AHRR: variants seen among roughly 807,000 people sequenced by gnomAD.
AHRR encodes the protein aryl hydrocarbon receptor repressor.
Under a neutral mutation model 44.0 loss-of-function variants are expected in AHRR, and 28 were observed. That is an observed-to-expected ratio of 0.64 (90% CI 0.47 to 0.87). The LOEUF (loss-of-function observed/expected upper bound fraction) is 0.87, where lower values mean the gene tolerates loss of function less well. Ranked by LOEUF, AHRR falls within the 40% of genes least tolerant of loss-of-function variation. The pLI is 0.00. For synonymous variants in AHRR, 434 were observed against 407.0 expected (o/e 1.07, Z -0.80); for missense variants, 990 against 953.9 (o/e 1.04, Z -0.50).
intron 1 of AHRR, 79 bp from the exon 2 acceptor site, chr5:343,814 C>A: frequency 1.4e-6 from 2 of 1,469,912 alleles, no homozygotes; most frequent in Non-Finnish European, 9.2e-7. Context: ...CAGGACCGCG[C>A]TGAGGGGCCC....
chr5:366,716 C>T (rs1014318745), intron 3 of AHRR, among the ~76,000 whole-genome samples: 11 of 152,186 alleles, frequency 7.2e-5, no homozygotes, highest in South Asian at 2.1e-4. Context: ...TGGAATAAGC[C>T]GGCATTGTGC....
chr5:379,979 A>G (rs1455011011), intron 4 of AHRR, among the ~76,000 whole-genome samples: 3 of 152,176 alleles, frequency 2.0e-5, no homozygotes, highest in East Asian at 1.9e-4. Flanking sequence ...ATTCTGGTCT[A>G]TGATCCACTT....
intron 1 of AHRR, among the ~76,000 whole-genome samples, chr5:324,120 C>T (rs952449879): frequency 2.6e-5 from 4 of 151,538 alleles, no homozygotes; most frequent in African/African-American, 7.3e-5. Context: ...AGTGCAATGG[C>T]GCTTTCTTGG....
intron 3 of AHRR, among the ~76,000 whole-genome samples, chr5:361,404 A>G (rs1312961374): frequency 2.6e-5 from 4 of 152,162 alleles, no homozygotes; most frequent in Non-Finnish European, 5.9e-5. Flanking sequence ...GCCTAAGGAG[A>G]ACAGGACGGG....
At chr5:391,265 G>C (rs116565933) in intron 4 of AHRR, among the ~76,000 whole-genome samples, 3 of 150,650 alleles carry the variant, frequency 2.0e-5, no homozygotes, top group Non-Finnish European at 4.4e-5. Flanking sequence ...GGAGCTCTGC[G>C]GGGGGAGCTG....
chr5:382,053 C>T (rs1006791495), intron 4 of AHRR, among the ~76,000 whole-genome samples: 7 of 152,088 alleles, frequency 4.6e-5, no homozygotes, highest in African/African-American at 1.4e-4. Flanking sequence ...CTATTTTGCC[C>T]AATTCAATTT....
chr5:332,929 C>CTTTTT (rs57937804), intron 1 of AHRR, among the ~76,000 whole-genome samples: 6 of 132,056 alleles, frequency 4.5e-5, no homozygotes, highest in African/African-American at 1.2e-4. Flanking sequence ...TGACCTTTGT[C>CTTTTT]TTTTTTTTTT....
chr5:424,969 T>C (rs894606162), intron 7 of AHRR, among the ~76,000 whole-genome samples: 8 of 152,234 alleles, frequency 5.3e-5, no homozygotes, highest in Non-Finnish European at 7.3e-5. Context: ...CCCTGGGTCA[T>C]GGCCCCTCAG....
chr5:354,847 A>G (rs7726691), intron 3 of AHRR, among the ~76,000 whole-genome samples: 11,359 of 151,496 alleles, frequency 0.075, 577 homozygotes, highest in Non-Finnish European at 0.087. Flanking sequence ...GCCCCTGCAG[A>G]CCTCTGCGCA....
intron 2 of AHRR, among the ~76,000 whole-genome samples, chr5:353,318 C>G (rs1162636762): frequency 6.6e-6 from 1 of 152,184 alleles, no homozygotes; most frequent in African/African-American, 2.4e-5. Flanking sequence ...CGAGGAGTCC[C>G]CTAAGGATGC....
intron 4 of AHRR, among the ~76,000 whole-genome samples, chr5:396,868 G>T (rs1004144088): frequency 1.3e-5 from 2 of 151,916 alleles, no homozygotes; most frequent in Non-Finnish European, 2.9e-5. Flanking sequence ...CGCCCAGCTG[G>T]GTCAGAGTGC....
intron 1 of AHRR, among the ~76,000 whole-genome samples, chr5:322,135 GGGC>G (rs1741518111): frequency 6.6e-6 from 1 of 152,110 alleles, no homozygotes; most frequent in Admixed American, 6.5e-5. Flanking sequence ...CCCTGGGGCT[GGGC>G]GGGTGCGGGC....
intron 1 of AHRR, among the ~76,000 whole-genome samples, chr5:335,513 G>A (rs553322636): frequency 6.6e-6 from 1 of 152,242 alleles, no homozygotes; most frequent in Non-Finnish European, 1.5e-5. Flanking sequence ...TGGGCAGGCT[G>A]GGGAAGGGGG....
Position 370,657 on chromosome 5 carries a change from G to A in AHRR, c.245-5953G>A, listed in dbSNP as rs574704657. On this transcript the variant is annotated intron_variant, in intron 3 of 10. Coordinates refer to ENST00000684583, the MANE Select transcript of AHRR (RefSeq NM_001377236.1). The surrounding 1 kb of genome is among the most constrained non-coding windows in gnomAD (Gnocchi z 4.5). ...CCATGGGAAGGTGTGGGTGATGGGG[G>A]GACAGTCCATGGGAAGGCACAGGTG... Among the ~76,000 whole-genome samples, 1 of 151,998 alleles carries A rather than the reference G, an allele frequency of 6.6e-6. No individual in the cohort carries two copies. Among genetic ancestry groups the A allele is most frequent in the Admixed American group, 6.5e-5 (1 of 15,276 alleles).
At chr5:331,630 C>T (rs948295115) in intron 1 of AHRR, among the ~76,000 whole-genome samples, 2 of 152,190 alleles carry the variant, frequency 1.3e-5, no homozygotes, top group Admixed American at 1.3e-4. Context: ...AACCCCCAGG[C>T]CTCGGACCGG....
At chr5:413,305 C>A in intron 4 of AHRR, 39 bp from the exon 5 acceptor site, 1 of 1,425,452 alleles carries the variant, frequency 7.0e-7, no homozygotes, top group East Asian at 2.3e-5. Context: ...TTTGGGTGAG[C>A]CAATTCGATT....
At position 398,912 on chromosome 5, in the gene AHRR, A is replaced by C. The variant is rs536459691; in HGVS notation, c.352-14432A>C. ...TTTCCCCACCCGAGGTCACTGGTGCACCTGGGACCCCCCTGCCAACATGCC... is the reference window on the plus strand; with the variant it reads ...TTTCCCCACCCGAGGTCACTGGTGCCCCTGGGACCCCCCTGCCAACATGCC... On this transcript the variant is annotated intron_variant, in intron 4 of 10. Transcript: ENST00000684583. Among the ~76,000 whole-genome samples the C allele has an allele frequency of 1.0e-3, 154 of 152,222 alleles. 1 individual carries two copies. The highest frequency in any genetic ancestry group is 3.6e-3 in the African/African-American group (148 of 41,530).
rs747383165 is a variant in AHRR, at chr5:434,515, G to A, written c.1775G>A (p.Arg592Gln). 55 of 1,611,952 alleles carry A rather than the reference G, an allele frequency of 3.4e-5. No individual in the cohort carries two copies. Among genetic ancestry groups the A allele is most frequent in the Admixed American group, 5.0e-5 (3 of 59,902 alleles). ...ATCTCGCACCTGGGGCACGGCGTGC[G>A]GGGGGCTCAGCCCCATGGGAGGGCC... ...VYISHLGHGV[R>Q]GAQPHGRATA... The change falls in exon 11 of 11, where the codon CGG becomes CAG. Residue 592 changes from arginine (R) to glutamine (Q), a missense_variant. By Grantham distance (43) the Arg-to-Gln change is conservative (BLOSUM62 1). Transcript: ENST00000684583.
At chr5:355,270 G>A (rs1316102831) in intron 3 of AHRR, among the ~76,000 whole-genome samples, 1 of 151,926 alleles carries the variant, frequency 6.6e-6, no homozygotes, top group Non-Finnish European at 1.5e-5. Flanking sequence ...GTGGTCTGGT[G>A]TGGTGGAGTG....
Sources: gnomAD v4.1 joint callset for allele counts (sites outside exome capture counted in the v4.1 genomes callset) on GRCh38, gnomAD v4.1.1 for gene constraint, Gnocchi (gnomAD v3.1) non-coding constraint, MANE v1.5 for transcripts, NCBI Gene and HGNC (gene_info 2026-07-23, HGNC 2026-07-21) for gene names.